Variants in GALNTL6 observed in about 807,000 individuals in gnomAD.
GALNTL6 encodes the protein polypeptide N-acetylgalactosaminyltransferase-like 6.
GALNTL6 carries 46 observed loss-of-function variants against 73.7 expected under a neutral mutation model. The ratio of observed to expected loss-of-function variants is 0.62; its 90% CI spans 0.49 to 0.80. GALNTL6 has a LOEUF of 0.80. GALNTL6 is among the 30% of genes least tolerant of loss of function. The pLI is 0.00. For synonymous variants in GALNTL6, 259 were observed against 263.7 expected (o/e 0.98, Z 0.17); for missense variants, 604 against 755.0 (o/e 0.80, Z 2.34).
intron 5 of GALNTL6, among the ~76,000 whole-genome samples, chr4:172,660,571 C>T (rs1172126007): frequency 1.3e-5 from 2 of 152,176 alleles, no homozygotes; most frequent in African/African-American, 2.4e-5. Flanking sequence ...TTAGTACTGG[C>T]TAACAGTGAG....
chr4:172,968,785 T>G (rs1750444230), intron 10 of GALNTL6, among the ~76,000 whole-genome samples: 1 of 152,170 alleles, frequency 6.6e-6, no homozygotes. Context: ...AAAGGCCATT[T>G]TTTTAATACT....
chr4:172,575,406 A>G (rs2110959330), intron 5 of GALNTL6, among the ~76,000 whole-genome samples: 1 of 152,320 alleles, frequency 6.6e-6, no homozygotes, highest in East Asian at 1.9e-4. Flanking sequence ...GATAATTCAC[A>G]TACACCAGCA....
chr4:172,980,586 T>G (rs952302436), intron 10 of GALNTL6, among the ~76,000 whole-genome samples: 1 of 152,178 alleles, frequency 6.6e-6, no homozygotes, highest in Non-Finnish European at 1.5e-5. Context: ...ACCTTGGAGA[T>G]AGCCACCTCC....
At chr4:172,783,123 G>A (rs1214169756) in intron 5 of GALNTL6, among the ~76,000 whole-genome samples, 3 of 150,606 alleles carry the variant, frequency 2.0e-5, no homozygotes, top group African/African-American at 4.9e-5. Context: ...TGCCACGGCA[G>A]GTCCAATTCC....
chr4:172,353,062 T>G (rs140015208), intron 5 of GALNTL6, among the ~76,000 whole-genome samples: 1 of 152,242 alleles, frequency 6.6e-6, no homozygotes, highest in African/African-American at 2.4e-5. Flanking sequence ...CCTCACCAGA[T>G]GAATCAGAAT....
chr4:172,457,694 C>A lies in GALNTL6; in HGVS notation c.553+109005C>A, dbSNP rs560956741. On this transcript the variant is annotated intron_variant, in intron 5 of 12. Coordinates refer to ENST00000506823, the MANE Select transcript of GALNTL6 (RefSeq NM_001034845.3). ...TATATATGCACCCAATACAGGAGCA[C>A]CCAGATTCATAAAGCAAGTTATTAG... 3.3e-5 allele frequency among the ~76,000 whole-genome samples: 5 copies of A among 152,234 alleles called. No individual in the cohort carries two copies. In the East Asian group the frequency reaches 9.6e-4, roughly 29 times the overall value.
intron 2 of GALNTL6, among the ~76,000 whole-genome samples, chr4:171,851,473 A>T (rs1735521348): frequency 6.6e-6 from 1 of 152,160 alleles, no homozygotes; most frequent in Non-Finnish European, 1.5e-5. Context: ...ACTGTTATAT[A>T]TTATGTTTAT....
intron 2 of GALNTL6, among the ~76,000 whole-genome samples, chr4:172,038,027 G>A (rs1404446294): frequency 2.6e-5 from 4 of 151,920 alleles, no homozygotes; most frequent in Non-Finnish European, 4.4e-5. Flanking sequence ...GCTGAGGCAG[G>A]AGAATTGTTT....
chr4:172,378,933 GA>G (rs1446761464), intron 5 of GALNTL6, among the ~76,000 whole-genome samples: 3 of 151,994 alleles, frequency 2.0e-5, no homozygotes, highest in Non-Finnish European at 4.4e-5. Context: ...ACACCAGAAG[GA>G]ATAAGTCTAA....
intron 2 of GALNTL6, among the ~76,000 whole-genome samples, chr4:172,213,921 T>C (rs966731833): frequency 2.0e-5 from 3 of 152,072 alleles, no homozygotes; most frequent in South Asian, 2.1e-4. Flanking sequence ...TTATAATTTT[T>C]ATATTTTACA....
At chr4:171,924,615 A>G (rs771490392) in intron 2 of GALNTL6, among the ~76,000 whole-genome samples, 1 of 152,178 alleles carries the variant, frequency 6.6e-6, no homozygotes, top group African/African-American at 2.4e-5. Flanking sequence ...ATCAGGTGCT[A>G]TTCATCTTTG....
At chr4:172,209,645 C>T (rs1736262355) in intron 2 of GALNTL6, among the ~76,000 whole-genome samples, 1 of 152,048 alleles carries the variant, frequency 6.6e-6, no homozygotes, top group African/African-American at 2.4e-5. Context: ...ATTTCACTTT[C>T]TCATTTTTTG....
chr4:171,997,084 C>T (rs1276220542), intron 2 of GALNTL6, among the ~76,000 whole-genome samples: 2 of 152,096 alleles, frequency 1.3e-5, no homozygotes, highest in African/African-American at 2.4e-5. Context: ...TTGATTATCT[C>T]TTCAAGGAAA....
chr4:172,208,891 T>G (rs141200675), intron 2 of GALNTL6, among the ~76,000 whole-genome samples: 65 of 152,228 alleles, frequency 4.3e-4, no homozygotes, highest in Middle Eastern at 3.4e-3. Flanking sequence ...AGAGCTATTA[T>G]GTAGAAAAAA....
At chr4:172,542,128 T>G (rs1735573301) in intron 5 of GALNTL6, among the ~76,000 whole-genome samples, 2 of 151,428 alleles carry the variant, frequency 1.3e-5, no homozygotes, top group South Asian at 4.2e-4. Context: ...GAGAAAGGGA[T>G]CTCCAAGCAG....
At chr4:172,450,374 G>A (rs1005222929) in intron 5 of GALNTL6, among the ~76,000 whole-genome samples, 6 of 151,558 alleles carry the variant, frequency 4.0e-5, no homozygotes, top group Non-Finnish European at 5.9e-5. Context: ...CACTCTATGT[G>A]GTCTATCAAC....
At chr4:172,449,800 T>C (rs1427602758) in intron 5 of GALNTL6, among the ~76,000 whole-genome samples, 1 of 152,232 alleles carries the variant, frequency 6.6e-6, no homozygotes, top group Admixed American at 6.5e-5. Context: ...TGAACTAATG[T>C]CTTTCACCCA....
At chr4:172,592,670 G>GTCTATCCA (rs1737687211) in intron 5 of GALNTL6, among the ~76,000 whole-genome samples, 1 of 141,976 alleles carries the variant, frequency 7.0e-6, no homozygotes, top group Non-Finnish European at 1.5e-5. Context: ...CTGTCTGTCT[G>GTCTATCCA]TCTATCTATC....
intron 5 of GALNTL6, among the ~76,000 whole-genome samples, chr4:172,385,006 TTTG>T (rs1402573660): frequency 1.7e-4 from 26 of 149,318 alleles, no homozygotes; most frequent in South Asian, 6.3e-4. Flanking sequence ...TTGTTTCGTT[TTTG>T]TTGTTGTTTT....
Sources: allele counts gnomAD v4.1 joint callset (sites outside exome capture counted in the v4.1 genomes callset), GRCh38; gene constraint gnomAD v4.1.1; transcripts MANE v1.5; gene names NCBI Gene and HGNC (gene_info 2026-07-23, HGNC 2026-07-21).